RBFOX1: variants seen among roughly 807,000 people sequenced by gnomAD.
RBFOX1 encodes RNA binding protein fox-1 homolog 1.
RBFOX1 carries 8 observed loss-of-function variants against 57.7 expected under a neutral mutation model. The ratio of observed to expected loss-of-function variants is 0.14; its 90% confidence interval spans 0.08 to 0.25. The LOEUF is 0.25. Among genes scored for constraint, RBFOX1 ranks in the 10% least tolerant of loss-of-function variants. The probability of loss-of-function intolerance (pLI) is 1.00; values close to 1 mark genes in which losing one functional copy is unlikely to be tolerated. For synonymous variants in RBFOX1, 326 were observed against 222.4 expected (o/e 1.47, Z -4.15); for missense variants, 611 against 548.5 (o/e 1.11, Z -1.14).
chr16:6,442,125 G>T (rs79246139), intron 2 of RBFOX1, among the ~76,000 whole-genome samples: 1 of 152,132 alleles, frequency 6.6e-6, no homozygotes, highest in African/African-American at 2.4e-5. Context: ...GGTCATTGAC[G>T]TCCAGCCCTT....
chr16:7,489,509 A>G (rs935576453), intron 4 of RBFOX1, among the ~76,000 whole-genome samples: 18 of 112,138 alleles, frequency 1.6e-4, no homozygotes, highest in Admixed American at 1.6e-3. Context: ...GAGAATTATT[A>G]TTATTATTTT....
At chr16:6,995,148 A>G (rs141332254) in intron 3 of RBFOX1, among the ~76,000 whole-genome samples, 1 of 152,120 alleles carries the variant, frequency 6.6e-6, no homozygotes, top group Non-Finnish European at 1.5e-5. Flanking sequence ...TAATATCTCA[A>G]TTCTCTTGTT....
intron 4 of RBFOX1, among the ~76,000 whole-genome samples, chr16:7,494,811 T>A (rs2068052702): frequency 7.0e-6 from 1 of 142,368 alleles, no homozygotes; most frequent in South Asian, 2.3e-4. Flanking sequence ...CTCCTTAATA[T>A]CAGGAACTGT....
intron 4 of RBFOX1, among the ~76,000 whole-genome samples, chr16:5,965,267 T>A (rs1464813744): frequency 6.6e-6 from 1 of 152,214 alleles, no homozygotes; most frequent in Non-Finnish European, 1.5e-5. Context: ...TGGTGTATAC[T>A]TGAAATTTGC....
chr16:7,705,069 G>C (rs79918878), intron 14 of RBFOX1, among the ~76,000 whole-genome samples: 2,085 of 147,942 alleles, frequency 0.014, 21 homozygotes, highest in South Asian at 0.037. Context: ...AAAAAAGGCA[G>C]AGAGCCAGAG....
chr16:6,925,795 G>A (rs2075467364), intron 3 of RBFOX1, among the ~76,000 whole-genome samples: 1 of 151,766 alleles, frequency 6.6e-6, no homozygotes, highest in African/African-American at 2.4e-5. Flanking sequence ...TTAGAAATAG[G>A]AATAAAATAA....
At chr16:5,908,095 T>TATATATATATATATATATACACAC (rs1567133450) in intron 4 of RBFOX1, among the ~76,000 whole-genome samples, 1 of 139,888 alleles carries the variant, frequency 7.1e-6, no homozygotes, top group Admixed American at 7.0e-5. Flanking sequence ...TACACATATA[T>TATATATATATATATATATACACAC]ACACATATAT....
At chr16:5,428,896 C>G (rs576641418) in intron 1 of RBFOX1, among the ~76,000 whole-genome samples, 11 of 152,124 alleles carry the variant, frequency 7.2e-5, no homozygotes, top group African/African-American at 2.7e-4. Flanking sequence ...CTGTTTTGTT[C>G]AAATATTTAC....
intron 4 of RBFOX1, among the ~76,000 whole-genome samples, chr16:7,490,315 T>C (rs8061128): frequency 0.25 from 37,615 of 152,174 alleles, 5,281 homozygotes; most frequent in East Asian, 0.4. Flanking sequence ...CTGCTAGCTC[T>C]GCTAGACTAG....
At chr16:7,267,602 C>T (rs112326752) in intron 4 of RBFOX1, among the ~76,000 whole-genome samples, 1 of 149,524 alleles carries the variant, frequency 6.7e-6, no homozygotes, top group African/African-American at 2.5e-5. Flanking sequence ...TGTCTGTAAT[C>T]GTAGTACTTT....
At chr16:5,350,414 A>C (rs896567353) in intron 1 of RBFOX1, among the ~76,000 whole-genome samples, 2 of 152,166 alleles carry the variant, frequency 1.3e-5, no homozygotes, top group Admixed American at 6.5e-5. Context: ...GACACACAGC[A>C]GGAATGGGAG....
At chr16:7,330,684 A>T (rs1010767289) in intron 4 of RBFOX1, among the ~76,000 whole-genome samples, 1 of 152,138 alleles carries the variant, frequency 6.6e-6, no homozygotes, top group Admixed American at 6.6e-5. Flanking sequence ...GGAAACTAAG[A>T]GTCTAAAGCT....
rs377681089 is a variant in RBFOX1 at position 5,687,577 on chromosome 16, C to G, written c.318+88616C>G. On this transcript the variant is annotated intron_variant, in intron 3 of 19. Transcript: ENST00000641259. Reference sequence around the variant, plus strand: ...GTAAATAGTATCTTAAAGTTTCAGACTAAGTCTTTGGCCTCTCTGAAAGCC... The same window carrying G: ...GTAAATAGTATCTTAAAGTTTCAGAGTAAGTCTTTGGCCTCTCTGAAAGCC... Among the ~76,000 whole-genome samples the G allele has an allele frequency of 2.6e-5, 4 of 152,282 alleles. No individual in the cohort carries two copies. The East Asian group carries it at 5.8e-4, about 22-fold the overall frequency.
At chr16:6,275,769 A>C (rs1365888710) in intron 1 of RBFOX1, among the ~76,000 whole-genome samples, 2 of 152,254 alleles carry the variant, frequency 1.3e-5, no homozygotes, top group Non-Finnish European at 2.9e-5. Context: ...AAGAAATAGA[A>C]GAAAGTGATT....
chr16:6,351,724 A>G (rs1471227413), intron 2 of RBFOX1, among the ~76,000 whole-genome samples: 1 of 152,170 alleles, frequency 6.6e-6, no homozygotes, highest in Non-Finnish European at 1.5e-5. Flanking sequence ...GTGTGTAATT[A>G]TATGTATGCA....
chr16:7,021,101 A>G (rs370984266), intron 3 of RBFOX1, among the ~76,000 whole-genome samples: 9 of 152,240 alleles, frequency 5.9e-5, no homozygotes, highest in East Asian at 3.9e-4. Flanking sequence ...GCACTCCAGC[A>G]TGAGTGAGAG....
rs538454241 is a variant in RBFOX1 at position 5,269,808 on chromosome 16, G to C, written c.219+29703G>C. Among the ~76,000 whole-genome samples the C allele has an allele frequency of 5.9e-5, 9 of 152,278 alleles. No homozygotes were observed. In the South Asian group the frequency reaches 1.9e-3, roughly 32 times the overall value. On this transcript the variant is annotated intron_variant, in intron 1 of 2. Coordinates refer to the RBFOX1 transcript ENST00000585867. The stretch of plus-strand genomic sequence containing the variant: ...TAAAAACCATTGAAATGTAAAAGAT[G>C]CAAAGAAAAACAGCCCAAGTTGCAA...
At chr16:6,347,689 C>A (rs1039183163) in intron 2 of RBFOX1, among the ~76,000 whole-genome samples, 1 of 152,166 alleles carries the variant, frequency 6.6e-6, no homozygotes, top group Admixed American at 6.5e-5. Flanking sequence ...TTATTATATC[C>A]TATGTTCACA....
At chr16:5,523,032 A>C (rs1402483305) in intron 2 of RBFOX1, among the ~76,000 whole-genome samples, 1 of 152,174 alleles carries the variant, frequency 6.6e-6, no homozygotes, top group African/African-American at 2.4e-5. Context: ...TCACACCTGT[A>C]ATACCAGTAC....
Sources: gnomAD v4.1 joint callset for allele counts (sites outside exome capture counted in the v4.1 genomes callset) on GRCh38, gnomAD v4.1.1 for gene constraint, MANE v1.5 for transcripts, NCBI Gene and HGNC (gene_info 2026-07-23, HGNC 2026-07-21) for gene names.